The following HIVEP3 variants were observed in gnomAD, a reference collection of about 807,000 sequenced individuals.
HIVEP3 encodes the protein transcription factor HIVEP3.
Under a neutral mutation model 152.8 loss-of-function variants are expected in HIVEP3, and 49 were observed. The ratio of observed to expected loss-of-function variants is 0.32; its 90% CI spans 0.26 to 0.41. HIVEP3 has a LOEUF of 0.41. Ranked by LOEUF, HIVEP3 falls within the 10% of genes least tolerant of loss-of-function variation. The pLI is 1.00. For synonymous variants in HIVEP3, 1,269 were observed against 1,289.0 expected (o/e 0.98, Z 0.33); for missense variants, 2,790 against 3,103.3 (o/e 0.90, Z 2.40).
intron 1 of HIVEP3, among the ~76,000 whole-genome samples, chr1:41,752,318 G>A (rs181514604): frequency 2.0e-4 from 31 of 152,328 alleles, no homozygotes; most frequent in Non-Finnish European, 4.4e-4. Context: ...CCCTTCTGGG[G>A]AGCCCTCACT....
intron 7 of HIVEP3, among the ~76,000 whole-genome samples, chr1:41,515,552 T>C (rs1041565147): frequency 2.0e-5 from 3 of 152,180 alleles, no homozygotes; most frequent in African/African-American, 7.2e-5. Context: ...CTGCCCCTCA[T>C]TTACATACAG....
At chr1:41,846,517 G>A (rs1320354502) in intron 1 of HIVEP3, among the ~76,000 whole-genome samples, 1 of 152,244 alleles carries the variant, frequency 6.6e-6, no homozygotes, top group Admixed American at 6.5e-5. Context: ...CGGTGAGGAT[G>A]ACCACAAGCA....
intron 2 of HIVEP3, among the ~76,000 whole-genome samples, chr1:41,633,239 A>G (rs1645221931): frequency 1.3e-5 from 2 of 152,190 alleles, no homozygotes; most frequent in Non-Finnish European, 2.9e-5. Context: ...GAAATGTGCA[A>G]ATAAGAACAG....
At chr1:41,559,343 T>C (rs904078777) in intron 5 of HIVEP3, among the ~76,000 whole-genome samples, 4 of 152,228 alleles carry the variant, frequency 2.6e-5, no homozygotes, top group Non-Finnish European at 5.9e-5. Context: ...GGAACATTTT[T>C]ATCCTGAACC....
chr1:41,867,419 C>A (rs756471501), intron 1 of HIVEP3, among the ~76,000 whole-genome samples: 2 of 152,186 alleles, frequency 1.3e-5, no homozygotes, highest in Non-Finnish European at 1.5e-5. Flanking sequence ...ATTTGGCTCA[C>A]AAGCAGGCTG....
At chr1:41,975,539 G>A (rs1244089187) in intron 1 of HIVEP3, among the ~76,000 whole-genome samples, 1 of 152,210 alleles carries the variant, frequency 6.6e-6, no homozygotes, top group East Asian at 1.9e-4. Context: ...CACACTTGAT[G>A]AATCTGGTTT....
In HIVEP3 at chr1:41,527,230, TCA is replaced by T. The variant is rs1267359587; in HGVS notation, c.5208-2322_5208-2321del. ...CATGCTCACCCTCACACACTCACCCTCACACACTCACCTCACACACACACACC... is the reference window on the plus strand; with the variant it reads ...CATGCTCACCCTCACACACTCACCCTCACACTCACCTCACACACACACACC... On this transcript the variant is annotated intron_variant, in intron 5 of 8. Coordinates refer to ENST00000372583, the MANE Select transcript of HIVEP3 (RefSeq NM_024503.5). 3.3e-3 allele frequency among the ~76,000 whole-genome samples: 160 copies of T among 49,022 alleles called. 2 individuals are homozygous for T. The highest frequency in any genetic ancestry group is 4.6e-3 in the Non-Finnish European group (109 of 23,804). 32.2% of individuals were successfully genotyped at this position (49,022 alleles called of 152,430 possible).
chr1:41,597,572 A>C (rs1472403099), intron 3 of HIVEP3, among the ~76,000 whole-genome samples: 2 of 152,190 alleles, frequency 1.3e-5, no homozygotes, highest in African/African-American at 2.4e-5. Context: ...ACTGAGGCCC[A>C]AAATCACAAA....
At chr1:41,613,518 T>A (rs900397666) in intron 3 of HIVEP3, among the ~76,000 whole-genome samples, 1 of 152,238 alleles carries the variant, frequency 6.6e-6, no homozygotes, top group African/African-American at 2.4e-5. Flanking sequence ...AATAAATGAA[T>A]GAACAAAGTT....
chr1:41,531,866 G>A (rs1369969613), intron 5 of HIVEP3, among the ~76,000 whole-genome samples: 1 of 120,432 alleles, frequency 8.3e-6, no homozygotes, highest in African/African-American at 3.3e-5. Flanking sequence ...GGAGATGGAG[G>A]ACAGGAGAGA....
intron 1 of HIVEP3, among the ~76,000 whole-genome samples, chr1:41,984,075 C>T (rs116466882): frequency 0.014 from 2,147 of 152,252 alleles, 49 homozygotes; most frequent in African/African-American, 0.049. Context: ...GGACTCTAAG[C>T]GATCCTCCCT....
chr1:41,580,993 C>A lies in HIVEP3; in HGVS notation c.3805G>T (p.Ala1269Ser). The A allele has an allele frequency of 6.4e-7, 1 of 1,573,374 alleles. No homozygotes were observed. The stretch of plus-strand genomic sequence containing the variant: ...GGGGAGAGGCCAGCACTTCCTGTTG[C>A]CAGTGGGGCCAGGCTGGTTTTGATC... ...PQIKTSLAPL[A>S]TGSAGLSPST... Residue 1269 changes from alanine to serine, a missense_variant, in exon 4 of 9, where the codon GCA becomes TCA. Physicochemically the swap from Ala to Ser is moderately conservative, Grantham distance 99. Around this residue, in one of 9 missense-constraint regions of HIVEP3, gnomAD observed 1,078 missense variants for 1,165.3 expected, o/e 0.93. Coordinates refer to ENST00000372583, the MANE Select transcript of HIVEP3 (RefSeq NM_024503.5).
chr1:41,562,643 C>CTCTTTCTTTCTTTCTT (rs58319899), intron 5 of HIVEP3, among the ~76,000 whole-genome samples: 1 of 119,392 alleles, frequency 8.4e-6, no homozygotes, highest in African/African-American at 3.2e-5. Context: ...CCCTCTCTCT[C>CTCTTTCTTTCTTTCTT]TCTTTCTTTC....
At chr1:41,897,030 A>G (rs899659831) in intron 1 of HIVEP3, among the ~76,000 whole-genome samples, 2 of 152,166 alleles carry the variant, frequency 1.3e-5, no homozygotes, top group South Asian at 2.1e-4. Context: ...TTGCTAACGA[A>G]CTATAGGGCA....
chr1:41,635,588 A>G (rs1250139120), intron 2 of HIVEP3, among the ~76,000 whole-genome samples: 3 of 35,114 alleles, frequency 8.5e-5, no homozygotes, highest in African/African-American at 2.9e-4. Context: ...ATATACATAC[A>G]TATACATACG....
At chr1:41,714,613 C>T (rs1443058594) in intron 1 of HIVEP3, among the ~76,000 whole-genome samples, 1 of 152,156 alleles carries the variant, frequency 6.6e-6, no homozygotes, top group African/African-American at 2.4e-5. Context: ...CAGAGGGTCC[C>T]TGCTGGCCTC....
chr1:41,869,248 C>T (rs192672906), intron 1 of HIVEP3, among the ~76,000 whole-genome samples: 85 of 152,330 alleles, frequency 5.6e-4, no homozygotes, highest in African/African-American at 2.0e-3. Flanking sequence ...AGGTCACCCC[C>T]TCACACGGAG....
At chr1:41,566,776 A>T (rs1472898026) in intron 5 of HIVEP3, among the ~76,000 whole-genome samples, 2 of 152,006 alleles carry the variant, frequency 1.3e-5, no homozygotes, top group Non-Finnish European at 2.9e-5. Flanking sequence ...CAGGATTCAC[A>T]CTTGGCTGGG....
At chr1:41,964,129 G>T (rs1434634293) in intron 1 of HIVEP3, among the ~76,000 whole-genome samples, 1 of 152,246 alleles carries the variant, frequency 6.6e-6, no homozygotes, top group African/African-American at 2.4e-5. Context: ...GGGCCAAGAT[G>T]GCTGCCTAGA....
Sources: allele counts gnomAD v4.1 joint callset (sites outside exome capture counted in the v4.1 genomes callset), GRCh38; gene constraint gnomAD v4.1.1; regional missense constraint gnomAD v4.1.1; transcripts MANE v1.5; gene names NCBI Gene and HGNC (gene_info 2026-07-23, HGNC 2026-07-21).